The following RCAN1 variants were observed in gnomAD, a reference collection of about 807,000 sequenced individuals.
RCAN1 encodes the protein regulator of calcineurin 1, also known as calcipressin-1.
A neutral mutation model predicts 22.9 loss-of-function variants in RCAN1; 11 were observed. The ratio of observed to expected loss-of-function variants is 0.48; its 90% CI spans 0.30 to 0.79. The LOEUF (loss-of-function observed/expected upper bound fraction) is 0.79, where lower values mean the gene tolerates loss of function less well. Ranked by LOEUF, RCAN1 falls within the 30% of genes least tolerant of loss-of-function variation. RCAN1 has a pLI of 0.06. For missense variants in RCAN1, 291 were observed against 337.8 expected, an observed-to-expected ratio of 0.86 and a Z score of 1.09; for synonymous variants, 136 against 142.3, an observed-to-expected ratio of 0.96 and a Z score of 0.32.
At chr21:34,575,985 A>G (rs963885811) in intron 1 of RCAN1, among the ~76,000 whole-genome samples, 6 of 152,154 alleles carry the variant, frequency 3.9e-5, no homozygotes, top group African/African-American at 1.4e-4. Context: ...ATCACACTGC[A>G]TGGGATCCTT....
At chr21:34,605,614 T>C (rs1261857048) in intron 1 of RCAN1, among the ~76,000 whole-genome samples, 2 of 152,126 alleles carry the variant, frequency 1.3e-5, no homozygotes, top group Non-Finnish European at 2.9e-5. Flanking sequence ...CTCGCATTAA[T>C]GCCATGCTTT....
At chr21:34,608,728 A>G (rs1383713552) in intron 1 of RCAN1, among the ~76,000 whole-genome samples, 1 of 152,228 alleles carries the variant, frequency 6.6e-6, no homozygotes, top group Non-Finnish European at 1.5e-5. Context: ...ACATGGCAGT[A>G]GATAACTAAT....
chr21:34,547,321 C>T (rs571846178), intron 1 of RCAN1, among the ~76,000 whole-genome samples: 6 of 152,190 alleles, frequency 3.9e-5, no homozygotes, highest in African/African-American at 1.2e-4. Context: ...AGCTTCCCCT[C>T]ACCTTTCTCC....
At chr21:34,567,266 C>A (rs547571130) in intron 1 of RCAN1, among the ~76,000 whole-genome samples, 1 of 152,116 alleles carries the variant, frequency 6.6e-6, no homozygotes, top group Non-Finnish European at 1.5e-5. Context: ...GAGGCCAAGG[C>A]GGGAGGATCA....
At chr21:34,534,644 G>A (rs1985582032) in intron 1 of RCAN1, among the ~76,000 whole-genome samples, 1 of 152,222 alleles carries the variant, frequency 6.6e-6, no homozygotes, top group Non-Finnish European at 1.5e-5. Context: ...AAAGGCCATG[G>A]CTTCTGGTGT....
intron 1 of RCAN1, among the ~76,000 whole-genome samples, chr21:34,597,344 C>T (rs1444351318): frequency 1.3e-5 from 2 of 152,158 alleles, no homozygotes. Flanking sequence ...TTCAAGCACT[C>T]AGTGGCCACA....
intron 2 of RCAN1, 76 bp from the exon 3 acceptor site, chr21:34,521,734 T>A (rs1285603241): frequency 1.6e-6 from 2 of 1,238,022 alleles, no homozygotes; most frequent in Non-Finnish European, 2.3e-6. Flanking sequence ...CTAACGCCAG[T>A]TCCGGGAGAT....
chr21:34,591,464 G>C (rs1987970215), intron 1 of RCAN1, among the ~76,000 whole-genome samples: 1 of 152,060 alleles, frequency 6.6e-6, no homozygotes, highest in East Asian at 1.9e-4. Flanking sequence ...CATGGGCCCT[G>C]GGGGGGAACA....
intron 1 of RCAN1, among the ~76,000 whole-genome samples, chr21:34,558,937 C>A (rs116667984): frequency 0.016 from 2,368 of 152,254 alleles, 63 homozygotes; most frequent in African/African-American, 0.053. Context: ...TATAAGTGAA[C>A]AAAGTGTGGG....
At chr21:34,603,625 C>T (rs957577405) in intron 1 of RCAN1, among the ~76,000 whole-genome samples, 2 of 152,138 alleles carry the variant, frequency 1.3e-5, no homozygotes, top group African/African-American at 4.8e-5. Context: ...CCCAGGACTT[C>T]GAGAACCCCA....
chr21:34,531,271 C>T (rs939933228), intron 1 of RCAN1, among the ~76,000 whole-genome samples: 8 of 152,156 alleles, frequency 5.3e-5, no homozygotes, highest in South Asian at 2.1e-4. Flanking sequence ...TTAGGAGAGC[C>T]GGAACTCACT....
intron 1 of RCAN1, among the ~76,000 whole-genome samples, chr21:34,571,174 T>A (rs1309477670): frequency 6.6e-6 from 1 of 152,036 alleles, no homozygotes; most frequent in Admixed American, 6.6e-5. Flanking sequence ...ATGCCTATAA[T>A]CCCAGCTACT....
intron 1 of RCAN1, among the ~76,000 whole-genome samples, chr21:34,568,590 G>C (rs1352508031): frequency 6.6e-6 from 1 of 152,172 alleles, no homozygotes; most frequent in Non-Finnish European, 1.5e-5. Context: ...ATCCACTGGA[G>C]GAATTGCATG....
intron 1 of RCAN1, among the ~76,000 whole-genome samples, chr21:34,574,780 C>T (rs141961544): frequency 2.6e-5 from 4 of 152,224 alleles, no homozygotes; most frequent in Non-Finnish European, 4.4e-5. Context: ...CGGCTGAGCA[C>T]GTTCTCCTCG....
intron 1 of RCAN1, among the ~76,000 whole-genome samples, chr21:34,537,764 T>C (rs973312828): frequency 1.3e-5 from 2 of 152,258 alleles, no homozygotes; most frequent in African/African-American, 4.8e-5. Flanking sequence ...AGCTGTTCTA[T>C]GCCTAACAAT....
intron 1 of RCAN1, among the ~76,000 whole-genome samples, chr21:34,552,873 C>T (rs1262503794): frequency 6.6e-6 from 1 of 152,204 alleles, no homozygotes; most frequent in African/African-American, 2.4e-5. Context: ...TAGCATTTCC[C>T]TCTGGAGATA....
At chr21:34,527,413 C>T (rs1985133209) in intron 1 of RCAN1, among the ~76,000 whole-genome samples, 1 of 152,128 alleles carries the variant, frequency 6.6e-6, no homozygotes, top group Non-Finnish European at 1.5e-5. Flanking sequence ...AAAGAGGAAT[C>T]ATTTTGAAGT....
Position 34,518,508 on chromosome 21 carries a change from G to T in RCAN1, c.587-252C>A, listed in dbSNP as rs912381648. Among the ~76,000 whole-genome samples the T allele has an allele frequency of 3.3e-5, 5 of 152,194 alleles. No homozygotes were observed. The highest frequency in any genetic ancestry group is 7.3e-5 in the Non-Finnish European group (5 of 68,038). On this transcript the variant is annotated intron_variant, in intron 3 of 3. Transcript: ENST00000313806. The surrounding 1 kb of genome is among the most constrained non-coding windows in gnomAD (Gnocchi z 4.2). Reference sequence around the variant, plus strand: ...GTCCAGGCACATGAGAAGTATAGAAGGAATGCATTTTTCTAGTTATACTTC... The same window carrying T: ...GTCCAGGCACATGAGAAGTATAGAATGAATGCATTTTTCTAGTTATACTTC...
intron 1 of RCAN1, among the ~76,000 whole-genome samples, chr21:34,543,751 T>C (rs1986015445): frequency 6.6e-6 from 1 of 152,232 alleles, no homozygotes; most frequent in Non-Finnish European, 1.5e-5. Context: ...ATTTTCTTTT[T>C]AATCCTAGCA....
Sources: gnomAD v4.1 joint callset for allele counts (sites outside exome capture counted in the v4.1 genomes callset) on GRCh38, gnomAD v4.1.1 for gene constraint, Gnocchi (gnomAD v3.1) non-coding constraint, MANE v1.5 for transcripts, NCBI Gene and HGNC (gene_info 2026-07-23, HGNC 2026-07-21) for gene names.